The following CCP110 variants were observed in gnomAD, a reference collection of about 807,000 sequenced individuals.
CCP110 encodes centriolar coiled-coil protein of 110 kDa.
A neutral mutation model predicts 105.5 loss-of-function variants in CCP110; 43 were observed. That is an observed-to-expected ratio of 0.41 (90% CI 0.32 to 0.53). The LOEUF is 0.53. Among genes scored for constraint, CCP110 ranks in the 20% least tolerant of loss-of-function variants. CCP110 has a pLI of 0.32. For synonymous variants in CCP110, 353 were observed against 392.1 expected (o/e 0.90, Z 1.18); for missense variants, 1,016 against 1,189.1 (o/e 0.85, Z 2.14).
At chr16:19,532,518 G>T in exon 3 of CCP110, 1 of 1,609,370 alleles carries the variant, frequency 6.2e-7, no homozygotes, top group African/African-American at 1.3e-5. Context: ...ACTGACTCGT[G>T]TCCAGGAGAT....
At chr16:19,544,054 C>G (rs896977095) in intron 8 of CCP110, among the ~76,000 whole-genome samples, 6 of 152,114 alleles carry the variant, frequency 3.9e-5, no homozygotes, top group African/African-American at 1.4e-4. Context: ...TTTTGAAATC[C>G]TTAATGAAAC....
In CCP110 at chr16:19,542,065, G is replaced by A. The variant is rs1052034034; in HGVS notation, c.2227+1G>A. 2 of 1,552,118 alleles carry A rather than the reference G, an allele frequency of 1.3e-6. No individual in the cohort carries two copies. Among genetic ancestry groups the A allele is most frequent in the South Asian group, 1.2e-5 (1 of 82,274 alleles). ...CATACTTCAAATTCAAATAGTTCTGGTAAATATTTAAAAATCCTTTTACAT... is the reference window on the plus strand; with the variant it reads ...CATACTTCAAATTCAAATAGTTCTGATAAATATTTAAAAATCCTTTTACAT... On this transcript the variant is annotated splice_donor_variant, in intron 6 of 14. Coordinates refer to ENST00000381396, the Ensembl canonical transcript of CCP110. LOFTEE classifies it high-confidence loss of function.
At chr16:19,542,887 C>A in exon 8 of CCP110, 1 of 1,606,382 alleles carries the variant, frequency 6.2e-7, no homozygotes, top group South Asian at 1.1e-5. Context: ...GGTTTTTAGT[C>A]TGGAAATACA....
Position 19,538,302 on chromosome 16 carries a change from C to CTTTTTTTTTTTTTTTT in CCP110, c.1918+728_1918+743dup, listed in dbSNP as rs1164690143. On this transcript the variant is annotated intron_variant, in intron 4 of 14. Transcript: ENST00000381396. ...ATATTAATAATTGGAGGAAACAGTTCTTTTTTTTTTTTTTTTTTTTTTTTT... is the reference window on the plus strand; with the variant it reads ...ATATTAATAATTGGAGGAAACAGTTCTTTTTTTTTTTTTTTTTTTTTTTTTTTTTTTTTTTTTTTTT... Among the ~76,000 whole-genome samples the CTTTTTTTTTTTTTTTT allele has an allele frequency of 5.6e-4, 31 of 55,244 alleles. 5 individuals are homozygous for CTTTTTTTTTTTTTTTT. Among genetic ancestry groups the CTTTTTTTTTTTTTTTT allele is most frequent in the East Asian group, 2.8e-3 (4 of 1,438 alleles). The allele number at this position is 55,244 out of a possible 152,430, so 36.2% of individuals were successfully genotyped here. A position where few individuals can be genotyped will look rare whatever the true frequency, so the allele number is the denominator to read the frequency against.
chr16:19,551,376 T>A, exon 15 of CCP110: 7 of 794,472 alleles, frequency 8.8e-6, no homozygotes. Flanking sequence ...GCTGAGCACT[T>A]ATCTGGATCA....
Position 19,548,569 on chromosome 16 carries a change from G to A in CCP110, c.2955G>A (p.Gln985=), listed in dbSNP as rs773105964. 33 of 1,549,808 alleles carry A rather than the reference G, an allele frequency of 2.1e-5. No individual in the cohort carries two copies. In the African/African-American group the frequency reaches 3.7e-4, roughly 17 times the overall value. ...TGCAAAATAGACAGAAGCCTTCACA[G>A]AGCAGAGTGCCTAACAGAGTGCCTG... Residue 985 remains glutamine (Q), a synonymous_variant, in exon 14 of 15, where the codon CAG becomes CAA. Coordinates refer to ENST00000381396, the Ensembl canonical transcript of CCP110. This position sits in a 1 kb window ranked among gnomAD's most constrained non-coding sequence, Gnocchi z 4.1.
intron 2 of CCP110, among the ~76,000 whole-genome samples, chr16:19,531,141 A>G (rs769427247): frequency 2.6e-5 from 4 of 152,220 alleles, no homozygotes; most frequent in Non-Finnish European, 5.9e-5. Flanking sequence ...GCAATTAGGA[A>G]AAAGTTTTAA....
At chr16:19,536,871 C>T in exon 4 of CCP110, 1 of 1,614,020 alleles carries the variant, frequency 6.2e-7, no homozygotes, top group Non-Finnish European at 8.5e-7. Context: ...GAATTAAGCC[C>T]TAAAGGAAAA....
At chr16:19,531,274 G>GT (rs1344312489) in intron 2 of CCP110, among the ~76,000 whole-genome samples, 5 of 152,176 alleles carry the variant, frequency 3.3e-5, no homozygotes, top group Admixed American at 6.5e-5. Context: ...AAAATGTGAT[G>GT]TTTATGGACC....
At chr16:19,537,449 G>C (rs759205882) in exon 4 of CCP110, 2 of 1,612,642 alleles carry the variant, frequency 1.2e-6, no homozygotes, top group Admixed American at 3.3e-5. Flanking sequence ...AGATATTGAT[G>C]GTTTGCAAAA....
At chr16:19,537,941 A>T (rs1471113830) in intron 4 of CCP110, among the ~76,000 whole-genome samples, 1 of 152,008 alleles carries the variant, frequency 6.6e-6, no homozygotes, top group African/African-American at 2.4e-5. Flanking sequence ...TATTTTTTGT[A>T]CTGTAGAGAT....
chr16:19,538,866 C>A (rs1480222338), intron 4 of CCP110, among the ~76,000 whole-genome samples: 4 of 151,968 alleles, frequency 2.6e-5, no homozygotes, highest in Non-Finnish European at 5.9e-5. Context: ...AATCCCAGCA[C>A]TTTGGGAGGC....
At chr16:19,528,671 G>A (rs1174230342) in intron 2 of CCP110, among the ~76,000 whole-genome samples, 1 of 152,104 alleles carries the variant, frequency 6.6e-6, no homozygotes, top group Non-Finnish European at 1.5e-5. Context: ...GGAAGGAAGA[G>A]GATTGCTTGA....
chr16:19,547,589 T>A (rs8062921), intron 12 of CCP110: 2,967 of 166,386 alleles, frequency 0.018, 102 homozygotes, highest in African/African-American at 0.067. Flanking sequence ...CGAACTTTAA[T>A]ATTTCTGACC....
At chr16:19,549,680 GACCAAAC>G (rs1209934167) in intron 14 of CCP110, among the ~76,000 whole-genome samples, 1 of 152,218 alleles carries the variant, frequency 6.6e-6, no homozygotes, top group Non-Finnish European at 1.5e-5. Context: ...AAAGGACTCA[GACCAAAC>G]ACCAAACCTG....
chr16:19,550,025 T>C (rs562335498), intron 14 of CCP110, among the ~76,000 whole-genome samples: 54 of 152,224 alleles, frequency 3.5e-4, no homozygotes, highest in Non-Finnish European at 7.2e-4. Flanking sequence ...TACTTATTAA[T>C]ACAAATGAAC....
chr16:19,532,252 T>C (rs1383610460), intron 2 of CCP110, among the ~76,000 whole-genome samples, 164 bp from the exon 3 acceptor site: 2 of 152,222 alleles, frequency 1.3e-5, no homozygotes, highest in Non-Finnish European at 2.9e-5. Flanking sequence ...TGGAAAGATC[T>C]CTAATGCCCC....
At chr16:19,530,719 C>T (rs112520796) in intron 2 of CCP110, among the ~76,000 whole-genome samples, 3,542 of 151,904 alleles carry the variant, frequency 0.023, 155 homozygotes, top group African/African-American at 0.08. Context: ...TTTGGGAGCC[C>T]GAGATGGGTG....
intron 4 of CCP110, among the ~76,000 whole-genome samples, chr16:19,539,111 CAAAAAA>C (rs749891365): frequency 8.3e-6 from 1 of 121,188 alleles, no homozygotes; most frequent in Non-Finnish European, 1.7e-5. Flanking sequence ...GATTCCATCT[CAAAAAA>C]AAAAAATAAT....
Sources: allele counts gnomAD v4.1 joint callset (sites outside exome capture counted in the v4.1 genomes callset), GRCh38; gene constraint gnomAD v4.1.1; non-coding constraint Gnocchi (gnomAD v3.1); transcripts MANE v1.5; gene names NCBI Gene and HGNC (gene_info 2026-07-23, HGNC 2026-07-21).